The following ACVR1 variants were observed in gnomAD, a reference collection of about 807,000 sequenced individuals.
ACVR1 encodes activin receptor type-1.
ACVR1 carries 38 observed loss-of-function variants against 57.1 expected under a neutral mutation model. That is an observed-to-expected ratio of 0.67 (90% CI 0.51 to 0.87). ACVR1 has a LOEUF of 0.87. ACVR1 is among the 40% of genes least tolerant of loss of function. The pLI, the probability that ACVR1 is intolerant of heterozygous loss-of-function variation, is 0.00. For missense variants in ACVR1, 463 were observed against 638.2 expected, an observed-to-expected ratio of 0.73 and a Z score of 2.96; for synonymous variants, 212 against 228.1, an observed-to-expected ratio of 0.93 and a Z score of 0.63.
At chr2:157,744,613 A>G (rs1684894519) in intron 9 of ACVR1, among the ~76,000 whole-genome samples, 1 of 152,260 alleles carries the variant, frequency 6.6e-6, no homozygotes, top group Admixed American at 6.5e-5. Context: ...ATGGAAAAAA[A>G]TGATGAGGGC....
chr2:157,831,365 C>A (rs1401963289), intron 1 of ACVR1, among the ~76,000 whole-genome samples: 1 of 152,060 alleles, frequency 6.6e-6, no homozygotes, highest in African/African-American at 2.4e-5. Context: ...TTGCTTAATG[C>A]GTGAGTCATC....
At chr2:157,817,819 T>G (rs914002091) in intron 2 of ACVR1, among the ~76,000 whole-genome samples, 10 of 151,780 alleles carry the variant, frequency 6.6e-5, no homozygotes, top group Non-Finnish European at 1.5e-4. Flanking sequence ...GCCAATATGG[T>G]GAAACCCCGT....
chr2:157,859,850 C>CT (rs1689664003), intron 1 of ACVR1, among the ~76,000 whole-genome samples: 1 of 152,034 alleles, frequency 6.6e-6, no homozygotes, highest in South Asian at 2.1e-4. Context: ...GATTCTTCAA[C>CT]TTTTTTTTCT....
chr2:157,852,807 T>G (rs1038526484), intron 1 of ACVR1, among the ~76,000 whole-genome samples: 1 of 152,106 alleles, frequency 6.6e-6, no homozygotes, highest in Non-Finnish European at 1.5e-5. Flanking sequence ...GTATCAAAAT[T>G]AGATAAAGCA....
In ACVR1 at chr2:157,770,458, C is replaced by T. The variant is rs1198616498; in HGVS notation, c.700G>A (p.Val234Met). ...TCATCACGGGAGGAGAAGATCTTCA[C>T]GGCAACATTCTCCCCTTGCCAGCTG... is the stretch of plus-strand genomic sequence containing the variant. ...RGSWQGENVAVKIFSSRDEKS... is the reference protein window; with the variant it reads ...RGSWQGENVAMKIFSSRDEKS... The change falls in exon 7 of 11, where the codon GTG becomes ATG. Residue 234 changes from valine to methionine, a missense_variant. Val to Met is a conservative substitution (Grantham distance 21). This residue lies in a region of ACVR1 where 114 missense variants were observed against 216.2 expected (regional missense o/e 0.53). Transcript: ENST00000434821. 5 of 1,613,966 alleles carry T rather than the reference C, an allele frequency of 3.1e-6. No homozygotes were observed. The highest frequency in any genetic ancestry group is 1.3e-5 in the African/African-American group (1 of 74,908).
chr2:157,825,791 C>T (rs1688323219), intron 1 of ACVR1, among the ~76,000 whole-genome samples: 1 of 152,204 alleles, frequency 6.6e-6, no homozygotes, highest in South Asian at 2.1e-4. Context: ...AAATGGTTCT[C>T]AGCGAAGAAT....
At chr2:157,757,021 G>GAGATATAT (rs1374219000) in intron 9 of ACVR1, among the ~76,000 whole-genome samples, 1 of 106,434 alleles carries the variant, frequency 9.4e-6, no homozygotes, top group Non-Finnish European at 1.8e-5. Flanking sequence ...ATATATATTT[G>GAGATATAT]ATATATATAT....
chr2:157,748,176 T>C (rs1685044033), intron 9 of ACVR1, among the ~76,000 whole-genome samples: 1 of 152,198 alleles, frequency 6.6e-6, no homozygotes, highest in Admixed American at 6.5e-5. Flanking sequence ...AAAAGCCACT[T>C]GGGTTTATGC....
At chr2:157,813,332 G>C (rs1393056302) in intron 2 of ACVR1, among the ~76,000 whole-genome samples, 1 of 152,150 alleles carries the variant, frequency 6.6e-6, no homozygotes, top group Non-Finnish European at 1.5e-5. Context: ...GAAACCAAAG[G>C]AGAAAAGTTG....
At chr2:157,830,341 G>T (rs538073051) in intron 1 of ACVR1, among the ~76,000 whole-genome samples, 7 of 152,174 alleles carry the variant, frequency 4.6e-5, no homozygotes, top group Non-Finnish European at 1.5e-5. Flanking sequence ...AAATGAAAAA[G>T]AAATAATAAT....
chr2:157,858,374 C>T (rs906049126), intron 1 of ACVR1, among the ~76,000 whole-genome samples: 10 of 151,624 alleles, frequency 6.6e-5, no homozygotes, highest in African/African-American at 2.2e-4. Context: ...CTGATCCCCA[C>T]TTGAACTTTA....
intron 3 of ACVR1, among the ~76,000 whole-genome samples, chr2:157,783,808 T>G (rs1559054870): frequency 2.0e-5 from 3 of 152,236 alleles, no homozygotes; most frequent in South Asian, 2.1e-4. Flanking sequence ...ACTTTGTATA[T>G]TCCCATATAA....
intron 2 of ACVR1, among the ~76,000 whole-genome samples, chr2:157,807,578 C>G (rs937997889): frequency 6.6e-6 from 1 of 150,758 alleles, no homozygotes; most frequent in African/African-American, 2.4e-5. Flanking sequence ...TTTTTTTTTA[C>G]CTATTGGTAG....
chr2:157,773,643 T>A (rs552416602), intron 6 of ACVR1, among the ~76,000 whole-genome samples: 31 of 152,300 alleles, frequency 2.0e-4, no homozygotes, highest in African/African-American at 7.2e-4. Flanking sequence ...GTTATAAAGA[T>A]CCCTTTGCTA....
rs755543151 is a variant in ACVR1, at chr2:157,780,614, A to T, written c.68-14T>A. 1.9e-6 allele frequency: 3 copies of T among 1,613,146 alleles called. No homozygotes were observed. The South Asian group carries it at 3.3e-5, about 18-fold the overall frequency. ...TGGGCTTCTCATCTGCAAAGGAGAG[A>T]AAGGAAGGGGAAAAAAAAAAAAAAG... On this transcript the variant is annotated splice_polypyrimidine_tract_variant and intron_variant, in intron 3 of 10. Transcript: ENST00000434821.
chr2:157,857,335 G>A (rs1291194692), intron 1 of ACVR1, among the ~76,000 whole-genome samples: 8 of 151,418 alleles, frequency 5.3e-5, no homozygotes, highest in South Asian at 2.1e-4. Context: ...ACCCATCTCC[G>A]ACACCCACGG....
At chr2:157,859,467 T>TAATAAA (rs1689650216) in intron 1 of ACVR1, among the ~76,000 whole-genome samples, 1 of 152,226 alleles carries the variant, frequency 6.6e-6, no homozygotes, top group African/African-American at 2.4e-5. Flanking sequence ...TCCTTTACTT[T>TAATAAA]CTTAATAAAC....
At chr2:157,873,000 C>T (rs999819940) in intron 1 of ACVR1, among the ~76,000 whole-genome samples, 1 of 152,160 alleles carries the variant, frequency 6.6e-6, no homozygotes, top group African/African-American at 2.4e-5. Context: ...TTATGACTAC[C>T]TCCTATTCCT....
At chr2:157,740,971 A>T (rs1684734662) in intron 9 of ACVR1, among the ~76,000 whole-genome samples, 1 of 152,202 alleles carries the variant, frequency 6.6e-6, no homozygotes, top group South Asian at 2.1e-4. Context: ...TAAACCTGGG[A>T]TTAAGCTCTA....
Sources: allele counts gnomAD v4.1 joint callset (sites outside exome capture counted in the v4.1 genomes callset), GRCh38; gene constraint gnomAD v4.1.1; regional missense constraint gnomAD v4.1.1; transcripts MANE v1.5; gene names NCBI Gene and HGNC (gene_info 2026-07-23, HGNC 2026-07-21).